The following TMEM182 variants were observed in gnomAD, a reference collection of about 807,000 sequenced individuals.
TMEM182 encodes transmembrane protein 182.
TMEM182 carries 20 observed loss-of-function variants against 26.8 expected under a neutral mutation model. The observed-to-expected ratio is 0.75, with a 90% confidence interval of 0.53 to 1.09. TMEM182 has a LOEUF of 1.09. Ranked by LOEUF, TMEM182 falls within the 50% of genes least tolerant of loss-of-function variation. The pLI is 0.00. For synonymous variants in TMEM182, 109 were observed against 102.2 expected (o/e 1.07, Z -0.40); for missense variants, 277 against 275.5 (o/e 1.01, Z -0.04).
intron 3 of TMEM182, among the ~76,000 whole-genome samples, chr2:102,789,266 CTT>C (rs1245689424): frequency 7.2e-5 from 11 of 152,138 alleles, no homozygotes; most frequent in Non-Finnish European, 1.0e-4. Context: ...ATGAATAACA[CTT>C]AAGTTTATCT....
In TMEM182 at chr2:102,762,135, T is replaced by C; in HGVS notation, c.-83T>C. On this transcript the variant is annotated 5_prime_UTR_variant, in exon 1 of 5. Coordinates refer to ENST00000412401, the MANE Select transcript of TMEM182 (RefSeq NM_144632.5). ...AAAAATATTATTCTTTTTTTTTTTT[T>C]TTTGCTGTTGTTTCTGAGAAACTAG... The C allele has an allele frequency of 9.1e-7, 1 of 1,099,262 alleles. No individual in the cohort carries two copies. Among genetic ancestry groups the C allele is most frequent in the Non-Finnish European group, 1.3e-6 (1 of 773,844 alleles). 68.1% of individuals were successfully genotyped at this position (1,099,262 alleles called of 1,614,324 possible).
At chr2:102,832,926 A>G (rs1342760623) in intron 3 of TMEM182, among the ~76,000 whole-genome samples, 1 of 152,220 alleles carries the variant, frequency 6.6e-6, no homozygotes, top group Non-Finnish European at 1.5e-5. Context: ...TGGCAGGGAG[A>G]CAGGCTTGGA....
exon 4 of TMEM182, chr2:102,843,763 T>C (rs1034273395): frequency 3.9e-5 from 6 of 152,264 alleles, no homozygotes; most frequent in Non-Finnish European, 8.8e-5. Context: ...ATACCATGCC[T>C]TATAAATATT....
At chr2:102,765,346 G>A (rs2104662801) in intron 3 of TMEM182, among the ~76,000 whole-genome samples, 1 of 152,278 alleles carries the variant, frequency 6.6e-6, no homozygotes, top group South Asian at 2.1e-4. Flanking sequence ...CAATCTGGAA[G>A]CTGACTTTCT....
At chr2:102,803,383 G>A (rs1682225235) in intron 4 of TMEM182, among the ~76,000 whole-genome samples, 1 of 152,222 alleles carries the variant, frequency 6.6e-6, no homozygotes, top group Non-Finnish European at 1.5e-5. Context: ...CTTTCTGTAA[G>A]TGTAGGGATG....
Position 102,839,468 on chromosome 2 carries a change from TATAA to T in TMEM182, c.326-3943_326-3940del, listed in dbSNP as rs201788802. On this transcript the variant is annotated intron_variant, in intron 3 of 3. Coordinates refer to the TMEM182 transcript ENST00000486293. ...TTTGCTATATATATATATATATATA[TATAA>T]TATATACACACAAAAATAATTCCTG... 5.2e-3 allele frequency among the ~76,000 whole-genome samples: 767 copies of T among 146,596 alleles called. 11 individuals are homozygous for T. Among genetic ancestry groups the T allele is most frequent in the African/African-American group, 0.018 (717 of 40,126 alleles).
At chr2:102,813,690 G>C (rs1367302024) in intron 4 of TMEM182, among the ~76,000 whole-genome samples, 1 of 152,102 alleles carries the variant, frequency 6.6e-6, no homozygotes, top group Non-Finnish European at 1.5e-5. Flanking sequence ...ACAGTTACAT[G>C]GGAAAGGACA....
At chr2:102,801,249 A>C (rs1041889918) in intron 4 of TMEM182, among the ~76,000 whole-genome samples, 12 of 152,178 alleles carry the variant, frequency 7.9e-5, no homozygotes, top group African/African-American at 2.7e-4. Context: ...TGTTGCAGGA[A>C]TCAGGAGGAC....
chr2:102,752,763 G>T lies in TMEM182; in HGVS notation c.-82-5626G>T, dbSNP rs182763075. 2.0e-4 allele frequency among the ~76,000 whole-genome samples: 30 copies of T among 152,298 alleles called. No homozygotes were observed. In the East Asian group the frequency reaches 4.6e-3, roughly 24 times the overall value. ...AAAGGAGTTTGCAAGTCCATTACAT[G>T]TTTCCTGATAAAGAAGGAACTAGTA... On this transcript the variant is annotated intron_variant, in intron 1 of 5. Transcript: ENST00000409173.
intron 3 of TMEM182, among the ~76,000 whole-genome samples, chr2:102,822,951 G>T (rs1400322144): frequency 2.0e-5 from 3 of 152,192 alleles, no homozygotes; most frequent in Non-Finnish European, 4.4e-5. Flanking sequence ...AATCCCTATT[G>T]TTCACTTAGT....
At chr2:102,794,820 T>A (rs1030060491) in intron 3 of TMEM182, among the ~76,000 whole-genome samples, 25 of 152,198 alleles carry the variant, frequency 1.6e-4, no homozygotes, top group Non-Finnish European at 3.5e-4. Context: ...GTATCCTGTA[T>A]CTGTAAATTT....
At chr2:102,741,627 TAA>T (rs1460492740) in intron 1 of TMEM182, among the ~76,000 whole-genome samples, 3 of 152,124 alleles carry the variant, frequency 2.0e-5, no homozygotes, top group Non-Finnish European at 4.4e-5. Context: ...TTTTAAAGGT[TAA>T]ACCCCAGACA....
At chr2:102,790,385 A>G (rs1164844929) in intron 3 of TMEM182, among the ~76,000 whole-genome samples, 1 of 152,232 alleles carries the variant, frequency 6.6e-6, no homozygotes, top group Non-Finnish European at 1.5e-5. Context: ...TATCATCTAA[A>G]TTAATGAGGT....
intron 3 of TMEM182, among the ~76,000 whole-genome samples, chr2:102,796,085 T>TG (rs932257369): frequency 6.6e-6 from 1 of 152,120 alleles, no homozygotes; most frequent in Non-Finnish European, 1.5e-5. Context: ...AAAATAAACA[T>TG]GGGGATTTAC....
chr2:102,835,022 G>T (rs1683219272), intron 3 of TMEM182, among the ~76,000 whole-genome samples: 1 of 152,108 alleles, frequency 6.6e-6, no homozygotes, highest in South Asian at 2.1e-4. Flanking sequence ...ATAGTAATCA[G>T]CTGCACACAA....
intron 4 of TMEM182, among the ~76,000 whole-genome samples, chr2:102,806,635 A>G (rs949115891): frequency 2.6e-5 from 4 of 152,168 alleles, no homozygotes; most frequent in Non-Finnish European, 2.9e-5. Flanking sequence ...TTTGCTAACC[A>G]TTAGCAGGAG....
At chr2:102,831,866 G>C (rs1363154546) in intron 3 of TMEM182, among the ~76,000 whole-genome samples, 1 of 152,158 alleles carries the variant, frequency 6.6e-6, no homozygotes, top group Non-Finnish European at 1.5e-5. Flanking sequence ...GCAAACTTGG[G>C]ACACCCAACC....
chr2:102,787,054 G>T (rs934726765), intron 3 of TMEM182, among the ~76,000 whole-genome samples: 1 of 152,164 alleles, frequency 6.6e-6, no homozygotes, highest in Admixed American at 6.5e-5. Flanking sequence ...CCGGTAAAGG[G>T]TATTCCAACT....
intron 3 of TMEM182, among the ~76,000 whole-genome samples, chr2:102,827,344 T>C (rs1468344157): frequency 6.6e-6 from 1 of 152,258 alleles, no homozygotes; most frequent in Non-Finnish European, 1.5e-5. Flanking sequence ...TATACTATAC[T>C]ACCAGATATG....
Sources: gnomAD v4.1 joint callset for allele counts (sites outside exome capture counted in the v4.1 genomes callset) on GRCh38, gnomAD v4.1.1 for gene constraint, MANE v1.5 for transcripts, NCBI Gene and HGNC (gene_info 2026-07-23, HGNC 2026-07-21) for gene names.